PPP2R2C: variants seen among roughly 807,000 people sequenced by gnomAD.
The protein encoded by PPP2R2C is protein phosphatase 2 regulatory subunit Bgamma.
Under a neutral mutation model 45.3 loss-of-function variants are expected in PPP2R2C, and 10 were observed. That is an observed-to-expected ratio of 0.22 (90% CI 0.14 to 0.37). The LOEUF (loss-of-function observed/expected upper bound fraction) is 0.37. Ranked by LOEUF, PPP2R2C falls within the 10% of genes least tolerant of loss-of-function variation. The pLI is 1.00. For missense variants in PPP2R2C, 308 were observed against 619.7 expected (o/e 0.50, Z 5.34); for synonymous variants, 257 against 245.4 (o/e 1.05, Z -0.44).
chr4:6,510,980 C>T (rs909401630), intron 2 of PPP2R2C, among the ~76,000 whole-genome samples: 1 of 41,354 alleles, frequency 2.4e-5, no homozygotes, highest in African/African-American at 4.2e-5. Context: ...CCGTCTCAAA[C>T]AAAAAAAAAC....
intron 1 of PPP2R2C, among the ~76,000 whole-genome samples, chr4:6,395,443 G>A (rs546494153): frequency 4.0e-4 from 61 of 152,284 alleles, no homozygotes; most frequent in African/African-American, 1.2e-3. Flanking sequence ...AGGACCACCC[G>A]GTGTCCAGGG....
intron 1 of PPP2R2C, among the ~76,000 whole-genome samples, chr4:6,449,827 C>A (rs1487055505): frequency 6.6e-6 from 1 of 152,158 alleles, no homozygotes. Flanking sequence ...GGTATGATTT[C>A]CAGAGAGACA....
chr4:6,414,076 A>ATGTGTGTGTGTGTGTG (rs71173440), intron 1 of PPP2R2C: 11 of 882,400 alleles, frequency 1.2e-5, no homozygotes, highest in Middle Eastern at 3.5e-4. Flanking sequence ...TTGCCTGTGT[A>ATGTGTGTGTGTGTGTG]TGTGTGTGTG....
chr4:6,393,166 C>T lies in PPP2R2C; in HGVS notation c.71-12072G>A, dbSNP rs565563354. Among the ~76,000 whole-genome samples the T allele has an allele frequency of 6.4e-4, 97 of 152,282 alleles. No individual in the cohort carries two copies. The South Asian group carries it at 0.02, about 32-fold the overall frequency. The stretch of plus-strand genomic sequence containing the variant: ...ACAGTCTAATGCCAGAACATTCCCA[C>T]CGCCCCAAAAAGAAACTCAGAACAT... On this transcript the variant is annotated intron_variant, in intron 1 of 8. Coordinates refer to ENST00000382599, the MANE Select transcript of PPP2R2C (RefSeq NM_020416.4).
intron 5 of PPP2R2C, among the ~76,000 whole-genome samples, chr4:6,363,140 G>C (rs1713963150): frequency 6.6e-6 from 1 of 152,178 alleles, no homozygotes; most frequent in Non-Finnish European, 1.5e-5. Context: ...CACGCAGGAA[G>C]CCCTCAGTCA....
At chr4:6,360,065 T>C (rs1312907269) in intron 5 of PPP2R2C, among the ~76,000 whole-genome samples, 1 of 152,164 alleles carries the variant, frequency 6.6e-6, no homozygotes, top group Admixed American at 6.5e-5. Context: ...CTTTGAGACA[T>C]GGTAATAACC....
At position 6,510,990 on chromosome 4, in the gene PPP2R2C, CA is replaced by C. The variant is rs1389589810; in HGVS notation, c.49+24280del. 4.6e-5 allele frequency among the ~76,000 whole-genome samples: 6 copies of C among 130,912 alleles called. No individual in the cohort carries two copies. In the East Asian group the frequency reaches 6.7e-4, roughly 15 times the overall value. The allele number at this position is 130,912 out of a possible 152,430, so 85.9% of individuals were successfully genotyped here. A position where few individuals can be genotyped will look rare whatever the true frequency, so the allele number is the denominator to read the frequency against. On this transcript the variant is annotated intron_variant, in intron 2 of 9. Transcript: ENST00000506140. ...AGACTCCGTCTCAAACAAAAAAAAACAAACAAACAAAAAAAAAAACAGAAAA... is the reference window on the plus strand; with the variant it reads ...AGACTCCGTCTCAAACAAAAAAAAACAACAAACAAAAAAAAAAACAGAAAA...
intron 2 of PPP2R2C, among the ~76,000 whole-genome samples, chr4:6,499,608 T>G (rs1033762898): frequency 6.6e-6 from 1 of 152,166 alleles, no homozygotes; most frequent in African/African-American, 2.4e-5. Context: ...CAGTTCTGCC[T>G]AATGGGTCAT....
At chr4:6,337,591 G>C (rs1187879092) in intron 6 of PPP2R2C, among the ~76,000 whole-genome samples, 1 of 152,138 alleles carries the variant, frequency 6.6e-6, no homozygotes, top group African/African-American at 2.4e-5. Flanking sequence ...GACTCCCCCA[G>C]ACCTTGAGGG....
chr4:6,337,272 T>C (rs1051295056), intron 6 of PPP2R2C, among the ~76,000 whole-genome samples: 2 of 150,884 alleles, frequency 1.3e-5, no homozygotes, highest in African/African-American at 4.9e-5. Context: ...AAAGGGGTGA[T>C]GTTGTGCTGC....
chr4:6,440,605 A>G (rs1720107151), intron 1 of PPP2R2C, among the ~76,000 whole-genome samples: 1 of 152,204 alleles, frequency 6.6e-6, no homozygotes, highest in Admixed American at 6.5e-5. Context: ...GGGAGACCCA[A>G]GATGATGGAC....
At chr4:6,444,405 G>A (rs556716237) in intron 1 of PPP2R2C, among the ~76,000 whole-genome samples, 5 of 152,212 alleles carry the variant, frequency 3.3e-5, no homozygotes, top group African/African-American at 9.6e-5. Flanking sequence ...AAGCCTAGTC[G>A]TTACTTGTCC....
chr4:6,493,431 A>C (rs1454863153), intron 2 of PPP2R2C, among the ~76,000 whole-genome samples: 1 of 151,648 alleles, frequency 6.6e-6, no homozygotes, highest in Non-Finnish European at 1.5e-5. Flanking sequence ...AGCAGGCCAC[A>C]CAGGAGGTAG....
chr4:6,496,437 A>G (rs1365109672), intron 2 of PPP2R2C, among the ~76,000 whole-genome samples: 1 of 152,178 alleles, frequency 6.6e-6, no homozygotes, highest in Admixed American at 6.5e-5. Flanking sequence ...TTGCATTTCC[A>G]GTGAACACCC....
chr4:6,464,660 G>A (rs34567708), intron 1 of PPP2R2C, among the ~76,000 whole-genome samples: 25,950 of 152,156 alleles, frequency 0.17, 2,513 homozygotes, highest in East Asian at 0.38. Flanking sequence ...ATGTTGATCA[G>A]CATGTGGTTA....
chr4:6,456,151 G>T (rs1250606072), intron 1 of PPP2R2C, among the ~76,000 whole-genome samples: 2 of 152,220 alleles, frequency 1.3e-5, no homozygotes, highest in Non-Finnish European at 2.9e-5. Flanking sequence ...AATAAAAATT[G>T]TTAACTCAGA....
chr4:6,536,400 T>C (rs979097955), intron 1 of PPP2R2C, among the ~76,000 whole-genome samples: 4 of 152,034 alleles, frequency 2.6e-5, no homozygotes, highest in Non-Finnish European at 4.4e-5. Context: ...AAAAGGAGAC[T>C]CACCAGTCAT....
chr4:6,509,292 T>C (rs1723347572), intron 2 of PPP2R2C, among the ~76,000 whole-genome samples: 1 of 152,162 alleles, frequency 6.6e-6, no homozygotes, highest in African/African-American at 2.4e-5. Flanking sequence ...CAGCCCTTCT[T>C]GAGAAGTGGT....
chr4:6,504,502 G>A (rs186674014), intron 2 of PPP2R2C, among the ~76,000 whole-genome samples: 1 of 152,136 alleles, frequency 6.6e-6, no homozygotes, highest in Non-Finnish European at 1.5e-5. Context: ...GGAATTGGCA[G>A]ACAATCATTT....
Sources: gnomAD v4.1 joint callset for allele counts (sites outside exome capture counted in the v4.1 genomes callset) on GRCh38, gnomAD v4.1.1 for gene constraint, MANE v1.5 for transcripts, NCBI Gene and HGNC (gene_info 2026-07-23, HGNC 2026-07-21) for gene names.